Variants in ADAMTSL2 observed in about 807,000 individuals in gnomAD.
The protein encoded by ADAMTSL2 is ADAMTS-like protein 2.
In ADAMTSL2, 55 loss-of-function variants were observed where a neutral mutation model predicts 117.0. The ratio of observed to expected loss-of-function variants is 0.47; its 90% confidence interval spans 0.38 to 0.59. The LOEUF is 0.59. Ranked by LOEUF, ADAMTSL2 falls within the 20% of genes least tolerant of loss-of-function variation. The pLI is 0.00. For missense variants in ADAMTSL2, 1,182 were observed against 1,354.5 expected (o/e 0.87, Z 2.00); for synonymous variants, 572 against 566.4 (o/e 1.01, Z -0.14).
intron 7 of ADAMTSL2, among the ~76,000 whole-genome samples, chr9:133,544,079 G>T (rs544804210): frequency 6.6e-6 from 1 of 152,250 alleles, no homozygotes; most frequent in Non-Finnish European, 1.5e-5. Flanking sequence ...CACAAGACAG[G>T]ATTTTAAAAT....
Position 133,555,838 on chromosome 9 carries a change from C to T in ADAMTSL2, c.1557C>T (p.Ser519=), listed in dbSNP as rs62637565. ...LLNGSYLELS[S]DRVANSSSEA... is the part of the protein sequence containing the mutation. ...ACGGGTCCTACCTGGAGCTGAGCAG[C>T]GACAGGGTTGCCAACAGCTCCTCCG... is the stretch of plus-strand genomic sequence containing the variant. The change falls in exon 11 of 19, where the codon AGC becomes AGT. Residue 519 remains serine (S), a synonymous_variant. Coordinates refer to ENST00000651351, the MANE Select transcript of ADAMTSL2 (RefSeq NM_014694.4). 2,071 of 1,613,584 alleles carry T rather than the reference C, an allele frequency of 1.3e-3. 27 individuals carry two copies. In the African/African-American group the frequency reaches 0.025, roughly 19 times the overall value.
At chr9:133,567,622 C>T (rs910887582) in intron 13 of ADAMTSL2, among the ~76,000 whole-genome samples, 1 of 152,224 alleles carries the variant, frequency 6.6e-6, no homozygotes, top group African/African-American at 2.4e-5. Flanking sequence ...CTGCTCCCCG[C>T]ACACGGCCAC....
Position 133,554,729 on chromosome 9 carries a change from G to C in ADAMTSL2, c.1276+36G>C, listed in dbSNP as rs371468300. On this transcript the variant is annotated intron_variant, in intron 10 of 18. Coordinates refer to ENST00000651351, the MANE Select transcript of ADAMTSL2 (RefSeq NM_014694.4). The surrounding 1 kb of genome is among the most constrained non-coding windows in gnomAD (Gnocchi z 5.2). ...GGAGGGAGGCATGAGGGTGGGGCCC[G>C]GGAGGCAGCCCAGGGAAGGGGGCCT... 5 of 1,450,272 alleles carry C rather than the reference G, an allele frequency of 3.4e-6. No individual in the cohort carries two copies. In the Admixed American group the frequency reaches 8.0e-5, roughly 23 times the overall value. The allele number at this position is 1,450,272 out of a possible 1,614,324, so 89.8% of individuals were successfully genotyped here.
chr9:133,534,573 A>C, upstream of ADAMTSL2: 1 of 1,072,238 alleles, frequency 9.3e-7, no homozygotes, highest in Admixed American at 4.3e-5. Context: ...GCCGGGCTCC[A>C]GAGGCGCAGA....
At position 133,555,860 on chromosome 9, in the gene ADAMTSL2, T is replaced by C. The variant is rs1015845453; in HGVS notation, c.1579T>C (p.Ser527Pro). ...LSSDRVANSS[S>P]EAPFPNVSTS... ...CAGCGACAGGGTTGCCAACAGCTCCTCCGAGGCCCCATTCCCCAACGTTAG... is the reference window on the plus strand; with the variant it reads ...CAGCGACAGGGTTGCCAACAGCTCCCCCGAGGCCCCATTCCCCAACGTTAG... Residue 527 changes from serine to proline, a missense_variant, in exon 11 of 19, where the codon TCC (serine) becomes CCC (proline). Ser to Pro is a moderately conservative substitution (Grantham distance 74, BLOSUM62 -1). This residue lies in a region of ADAMTSL2 where 345 missense variants were observed against 325.8 expected (regional missense o/e 1.06). Coordinates refer to ENST00000651351, the MANE Select transcript of ADAMTSL2 (RefSeq NM_014694.4). 6.2e-7 allele frequency: 1 copy of C among 1,613,224 alleles called. No homozygotes were observed. Among genetic ancestry groups the C allele is most frequent in the African/African-American group, 1.3e-5 (1 of 75,046 alleles).
intron 14 of ADAMTSL2, 29 bp downstream of exon 14, chr9:133,568,515 T>A: frequency 6.3e-7 from 1 of 1,581,668 alleles, no homozygotes; most frequent in Non-Finnish European, 8.6e-7. Flanking sequence ...AAGCCGGGGG[T>A]CGGGAAGAGC....
chr9:133,537,233 C>T (rs1244106189), intron 2 of ADAMTSL2, among the ~76,000 whole-genome samples, 172 bp from the exon 3 acceptor site: 2 of 152,182 alleles, frequency 1.3e-5, no homozygotes, highest in Non-Finnish European at 2.9e-5. Context: ...TTCCCCCCAG[C>T]GCCACCCAGG....
intron 7 of ADAMTSL2, 78 bp downstream of exon 7, chr9:133,541,079 G>A: frequency 6.4e-7 from 1 of 1,552,740 alleles, no homozygotes; most frequent in South Asian, 1.2e-5. Flanking sequence ...CCTGTCTGCA[G>A]CCTCCTGTGT....
In ADAMTSL2 at chr9:133,573,912, C is replaced by G; in HGVS notation, c.2662C>G (p.Arg888Gly). ...VKCYQGTDIV[R>G]GCDPLVKPVG... ...GTGCTACCAGGGGACCGACATCGTC[C>G]GTGGTTGCGATCCGTTGGTGAAGCC... The change falls in exon 18 of 19, where the codon CGT becomes GGT. Residue 888 changes from arginine to glycine, a missense_variant. Coordinates refer to ENST00000651351, the MANE Select transcript of ADAMTSL2 (RefSeq NM_014694.4). 2 of 1,614,108 alleles carry G rather than the reference C, an allele frequency of 1.2e-6. No individual in the cohort carries two copies. The highest frequency in any genetic ancestry group is 1.7e-6 in the Non-Finnish European group (2 of 1,180,014).
chr9:133,563,841 GA>G (rs1830814618), intron 12 of ADAMTSL2, among the ~76,000 whole-genome samples: 8 of 50,444 alleles, frequency 1.6e-4, no homozygotes, highest in Non-Finnish European at 2.2e-4. Context: ...GAGAGAGAGA[GA>G]GGGAGAGAGA....
intron 13 of ADAMTSL2, among the ~76,000 whole-genome samples, chr9:133,567,668 C>T (rs1831006087): frequency 6.6e-6 from 1 of 152,220 alleles, no homozygotes; most frequent in African/African-American, 2.4e-5. Context: ...CCATCTGGGG[C>T]CTCCCACTTC....
In ADAMTSL2 at chr9:133,575,180, G is replaced by A; in HGVS notation, c.*316G>A. The A allele has an allele frequency of 2.4e-6, 1 of 413,788 alleles. No homozygotes were observed. Among genetic ancestry groups the A allele is most frequent in the Non-Finnish European group, 4.5e-6 (1 of 221,926 alleles). The allele number at this position is 413,788 out of a possible 1,614,324, so 25.6% of individuals were successfully genotyped here. On this transcript the variant is annotated 3_prime_UTR_variant, in exon 19 of 19. Coordinates refer to ENST00000651351, the MANE Select transcript of ADAMTSL2 (RefSeq NM_014694.4). Reference sequence around the variant, plus strand: ...CAGCAGCCCCCAGCCGAGGGGCCCAGGGCCCACAGCCAGCGGTGGAGGTGT... The same window carrying A: ...CAGCAGCCCCCAGCCGAGGGGCCCAAGGCCCACAGCCAGCGGTGGAGGTGT...
chr9:133,543,412 C>G (rs1830271394), intron 7 of ADAMTSL2, among the ~76,000 whole-genome samples: 1 of 152,280 alleles, frequency 6.6e-6, no homozygotes, highest in Admixed American at 6.5e-5. Context: ...TAAGCTGCCC[C>G]ATTACAGTGG....
chr9:133,538,810 C>A (rs145145546), intron 4 of ADAMTSL2, among the ~76,000 whole-genome samples: 1 of 152,252 alleles, frequency 6.6e-6, no homozygotes, highest in Admixed American at 6.5e-5. Context: ...ACAGTACCCC[C>A]CACGCCATAA....
chr9:133,552,434 C>T (rs1372518072), intron 9 of ADAMTSL2, among the ~76,000 whole-genome samples: 8 of 152,154 alleles, frequency 5.3e-5, no homozygotes, highest in African/African-American at 1.9e-4. Flanking sequence ...GTGCAGAGGA[C>T]AAAGGTCAAG....
upstream of ADAMTSL2, among the ~76,000 whole-genome samples, chr9:133,533,737 G>A (rs567574603): frequency 3.3e-5 from 5 of 152,310 alleles, no homozygotes; most frequent in South Asian, 2.1e-4. Context: ...GTGTCTTCCC[G>A]GCACTGCTGT....
chr9:133,541,298 T>C lies in ADAMTSL2; in HGVS notation c.682+297T>C, dbSNP rs574072219. Among the ~76,000 whole-genome samples, 45 of 151,958 alleles carry C rather than the reference T, an allele frequency of 3.0e-4. No homozygotes were observed. The South Asian group carries it at 7.9e-3, about 27-fold the overall frequency. On this transcript the variant is annotated intron_variant, in intron 7 of 18. Coordinates refer to ENST00000651351, the MANE Select transcript of ADAMTSL2 (RefSeq NM_014694.4). The stretch of plus-strand genomic sequence containing the variant: ...GGAGGTGTTAACAATGCACCTTTTT[T>C]TTTTTTTTGAGACAGAGTCTTGCTC...
intron 4 of ADAMTSL2, among the ~76,000 whole-genome samples, chr9:133,539,037 G>C (rs776087162): frequency 7.9e-5 from 12 of 152,236 alleles, no homozygotes; most frequent in Non-Finnish European, 1.0e-4. Flanking sequence ...CGTGTGGCTT[G>C]CCTGGGCAGG....
At chr9:133,541,053 G>C in intron 7 of ADAMTSL2, 52 bp downstream of exon 7, 1 of 1,584,596 alleles carries the variant, frequency 6.3e-7, no homozygotes, top group Non-Finnish European at 8.6e-7. Context: ...TGGGAATCGG[G>C]GGTCCTGAGT....
Sources: allele counts gnomAD v4.1 joint callset (sites outside exome capture counted in the v4.1 genomes callset), GRCh38; gene constraint gnomAD v4.1.1; regional missense constraint gnomAD v4.1.1; non-coding constraint Gnocchi (gnomAD v3.1); transcripts MANE v1.5; gene names NCBI Gene and HGNC (gene_info 2026-07-23, HGNC 2026-07-21).